Variants in COASY observed in about 807,000 individuals in gnomAD.
COASY encodes bifunctional coenzyme A synthase.
Under a neutral mutation model 49.4 loss-of-function variants are expected in COASY, and 31 were observed. The observed-to-expected ratio is 0.63, with a 90% CI of 0.47 to 0.85. COASY has a LOEUF of 0.85. COASY is among the 40% of genes least tolerant of loss of function. The pLI is 0.00. For missense variants in COASY, 730 were observed against 734.1 expected, an observed-to-expected ratio of 0.99 and a Z score of 0.06; for synonymous variants, 285 against 310.9, an observed-to-expected ratio of 0.92 and a Z score of 0.88.
In COASY at chr17:42,565,047, G is replaced by A; in HGVS notation, c.1302G>A (p.Lys434=). 6.2e-7 allele frequency: 1 copy of A among 1,614,146 alleles called. No individual in the cohort carries two copies. ...KVLGSRVFGN[K]KQLKILTDIM... Reference sequence around the variant, plus strand: ...TAGGCAGCCGGGTGTTTGGGAATAAGGTAAACAATAACTTCCTAAGGGCTC... The same window carrying A: ...TAGGCAGCCGGGTGTTTGGGAATAAAGTAAACAATAACTTCCTAAGGGCTC... The change falls in exon 5 of 9, where the codon AAG becomes AAA. Residue 434 remains lysine (K), a splice_region_variant and synonymous_variant. Transcript: ENST00000393818.
Position 42,566,182 on chromosome 17 carries a change from C to T in COASY, c.*214C>T, listed in dbSNP as rs1162219083. 4.2e-5 allele frequency: 25 copies of T among 592,910 alleles called. No homozygotes were observed. In the South Asian group the frequency reaches 4.9e-4, roughly 12 times the overall value. The allele number at this position is 592,910 out of a possible 1,614,324, so 36.7% of individuals were successfully genotyped here. On this transcript the variant is annotated 3_prime_UTR_variant, in exon 9 of 9. Transcript: ENST00000393818. The stretch of plus-strand genomic sequence containing the variant: ...GTGGTTCATGGGGGAGCAGTCCCCT[C>T]CCCACTCTTGCCCATGGGTGACTCT...
Position 42,563,246 on chromosome 17 carries a change from G to A in COASY, c.624G>A (p.Lys208=), listed in dbSNP as rs1327715071. The change falls in exon 1 of 9, where the codon AAG becomes AAA. Residue 208 remains lysine, a synonymous_variant. Transcript: ENST00000393818. Reference sequence around the variant, plus strand: ...TTGACCGCCTGCACAACGCCCACAAGGTGTTGCTCAGTGTCGCGTGCATCC... The same window carrying A: ...TTGACCGCCTGCACAACGCCCACAAAGTGTTGCTCAGTGTCGCGTGCATCC... ...GTFDRLHNAH[K]VLLSVACILA... 10 of 1,612,774 alleles carry A rather than the reference G, an allele frequency of 6.2e-6. No homozygotes were observed. The highest frequency in any genetic ancestry group is 8.5e-6 in the Non-Finnish European group (10 of 1,179,916).
intron 3 of COASY, 51 bp from the exon 4 acceptor site, chr17:42,564,658 C>T: frequency 6.5e-7 from 1 of 1,537,572 alleles, no homozygotes; most frequent in Non-Finnish European, 8.7e-7. Context: ...CAGCCCCAGG[C>T]ATGAGGCTGA....
In COASY at chr17:42,565,909, G is replaced by A; in HGVS notation, c.1636G>A (p.Glu546Lys). Residue 546 changes from glutamate (E) to lysine (K), a missense_variant, in exon 9 of 9, where the codon GAG (glutamate) becomes AAG (lysine). Transcript: ENST00000393818. ...WEPHITQRQVEKAWALLQKRI... is the reference protein window; with the variant it reads ...WEPHITQRQVKKAWALLQKRI... Reference sequence around the variant, plus strand: ...CAACATCCTGGCCTGTCTGAAGGTGGAGAAAGCCTGGGCCCTCTTGCAGAA... The same window carrying A: ...CAACATCCTGGCCTGTCTGAAGGTGAAGAAAGCCTGGGCCCTCTTGCAGAA... 6.2e-7 allele frequency: 1 copy of A among 1,613,986 alleles called. No individual in the cohort carries two copies. The highest frequency in any genetic ancestry group is 8.5e-7 in the Non-Finnish European group (1 of 1,180,038).
chr17:42,564,258 C>A, intron 2 of COASY, 83 bp downstream of exon 2: 1 of 1,474,752 alleles, frequency 6.8e-7, no homozygotes, highest in East Asian at 2.3e-5. Flanking sequence ...AGTACCATGG[C>A]CCCAGAGGAG....
In COASY at chr17:42,563,333, G is replaced by A. The variant is rs774007203; in HGVS notation, c.700+11G>A. Reference sequence around the variant, plus strand: ...AAGATCTGTTGAAGAGTGAGTAAGAGGGACCCTGGACTAGGGTGGAGGATC... The same window carrying A: ...AAGATCTGTTGAAGAGTGAGTAAGAAGGACCCTGGACTAGGGTGGAGGATC... On this transcript the variant is annotated intron_variant, in intron 1 of 8. Coordinates refer to ENST00000393818, the MANE Select transcript of COASY (RefSeq NM_025233.7). 7 of 1,572,066 alleles carry A rather than the reference G, an allele frequency of 4.5e-6. No individual in the cohort carries two copies. Among genetic ancestry groups the A allele is most frequent in the Middle Eastern group, 3.4e-4 (2 of 5,970 alleles).
chr17:42,563,389 C>A, intron 1 of COASY, 67 bp downstream of exon 1: 3 of 1,412,130 alleles, frequency 2.1e-6, no homozygotes, highest in South Asian at 1.3e-5. Flanking sequence ...ACCCTTATGC[C>A]GAGATCAAGG....
At chr17:42,565,387 C>T (rs371105317) in intron 6 of COASY, 76 bp downstream of exon 6, 29 of 1,605,482 alleles carry the variant, frequency 1.8e-5, no homozygotes, top group African/African-American at 2.7e-5. Flanking sequence ...CCCTGCCCAA[C>T]GTGGGACTGT....
At position 42,565,010 on chromosome 17, in the gene COASY, A is replaced by T. The variant is rs1396711488; in HGVS notation, c.1265A>T (p.Asn422Ile). 6.2e-7 allele frequency: 1 copy of T among 1,614,236 alleles called. No homozygotes were observed. The highest frequency in any genetic ancestry group is 2.2e-5 in the East Asian group (1 of 44,886). The change falls in exon 5 of 9, where the codon AAC becomes ATC. Residue 422 changes from asparagine (N) to isoleucine (I), a missense_variant. Transcript: ENST00000393818. ...TDILHKDGII[N>I]RKVLGSRVFG... ...ATTCTCCATAAAGATGGCATCATCAACAGGAAGGTCCTAGGCAGCCGGGTG... is the reference window on the plus strand; with the variant it reads ...ATTCTCCATAAAGATGGCATCATCATCAGGAAGGTCCTAGGCAGCCGGGTG...
In COASY at chr17:42,562,507, C is replaced by T. The variant is rs2301132; in HGVS notation, c.-116C>T. ...CTGTCGGTCAGCACTGAAACCCCGT[C>T]CCTGCTCCAGGCCTCCTTCTCTGGG... On this transcript the variant is annotated 5_prime_UTR_variant, in exon 1 of 9. Transcript: ENST00000393818. 3.8e-4 allele frequency: 619 copies of T among 1,613,404 alleles called. 9 individuals carry two copies. In the East Asian group the frequency reaches 0.013, roughly 33 times the overall value.
At position 42,562,920 on chromosome 17, in the gene COASY, C is replaced by T; in HGVS notation, c.298C>T (p.Leu100=). 6.2e-7 allele frequency: 1 copy of T among 1,612,164 alleles called. No homozygotes were observed. The change falls in exon 1 of 9, where the codon CTG becomes TTG. Residue 100 remains leucine, a synonymous_variant. Transcript: ENST00000393818. ...IRTKSTFLPP[L]PTSVQNLAHP... ...AACCAAGAGCACCTTTCTCCCTCCC[C>T]TGCCCACCTCAGTCCAGAATCTCGC...
Position 42,566,246 on chromosome 17 carries a change from C to G in COASY, c.*278C>G. On this transcript the variant is annotated 3_prime_UTR_variant, in exon 9 of 9. Transcript: ENST00000393818. The stretch of plus-strand genomic sequence containing the variant: ...CTAGGGCCAGCGCAAATACTGGAAC[C>G]TGTAACAGAATTAAAGGTGAATGTT... 1 of 503,136 alleles carries G rather than the reference C, an allele frequency of 2.0e-6. No individual in the cohort carries two copies. The highest frequency in any genetic ancestry group is 3.6e-6 in the Non-Finnish European group (1 of 277,432). The allele number at this position is 503,136 out of a possible 1,614,324, so 31.2% of individuals were successfully genotyped here. A position where few individuals can be genotyped will look rare whatever the true frequency, so the allele number is the denominator to read the frequency against.
At position 42,565,908 on chromosome 17, in the gene COASY, G is replaced by T. The variant is rs779623012; in HGVS notation, c.1635G>T (p.Val545=). 2 of 1,613,980 alleles carry T rather than the reference G, an allele frequency of 1.2e-6. No homozygotes were observed. The highest frequency in any genetic ancestry group is 1.7e-6 in the Non-Finnish European group (2 of 1,180,024). The change falls in exon 9 of 9, where the codon GTG becomes GTT. Residue 545 remains valine (V), a splice_region_variant and synonymous_variant. Transcript: ENST00000393818. Reference sequence around the variant, plus strand: ...CCAACATCCTGGCCTGTCTGAAGGTGGAGAAAGCCTGGGCCCTCTTGCAGA... The same window carrying T: ...CCAACATCCTGGCCTGTCTGAAGGTTGAGAAAGCCTGGGCCCTCTTGCAGA... The part of the protein sequence containing the change: ...LWEPHITQRQ[V]EKAWALLQKR...
rs2143224278 is a variant in COASY, at chr17:42,565,648, T to A, written c.1486-11T>A. On this transcript the variant is annotated splice_polypyrimidine_tract_variant and intron_variant, in intron 7 of 8. Transcript: ENST00000393818. ...GGAATTCTTCCTGACAAATGTCTCG[T>A]CTGTGCTCAGGCTGTAAGACGCATT... The A allele has an allele frequency of 6.2e-7, 1 of 1,614,094 alleles. No individual in the cohort carries two copies. Among genetic ancestry groups the A allele is most frequent in the Admixed American group, 1.7e-5 (1 of 60,026 alleles).
Position 42,562,501 on chromosome 17 carries a change from C to T in COASY, c.-122C>T. The T allele has an allele frequency of 1.9e-6, 3 of 1,613,576 alleles. No individual in the cohort carries two copies. Among genetic ancestry groups the T allele is most frequent in the Non-Finnish European group, 1.7e-6 (2 of 1,179,806 alleles). ...CGGCTCCTGTCGGTCAGCACTGAAACCCCGTCCCTGCTCCAGGCCTCCTTC... is the reference window on the plus strand; with the variant it reads ...CGGCTCCTGTCGGTCAGCACTGAAATCCCGTCCCTGCTCCAGGCCTCCTTC... On this transcript the variant is annotated 5_prime_UTR_variant, in exon 1 of 9. Transcript: ENST00000393818.
rs1273272109 is a variant in COASY, at chr17:42,563,236, A to G, written c.614A>G (p.Asn205Ser). The change falls in exon 1 of 9, where the codon AAC (asparagine) becomes AGC (serine). Residue 205 changes from asparagine (N) to serine (S), a missense_variant. Asn to Ser is a conservative substitution (Grantham distance 46, BLOSUM62 1). Coordinates refer to ENST00000393818, the MANE Select transcript of COASY (RefSeq NM_025233.7). Reference sequence around the variant, plus strand: ...GGTGGCACGTTTGACCGCCTGCACAACGCCCACAAGGTGTTGCTCAGTGTC... The same window carrying G: ...GGTGGCACGTTTGACCGCCTGCACAGCGCCCACAAGGTGTTGCTCAGTGTC... ...AVGGTFDRLH[N>S]AHKVLLSVAC... 3 of 1,613,240 alleles carry G rather than the reference A, an allele frequency of 1.9e-6. No homozygotes were observed.
At position 42,562,733 on chromosome 17, in the gene COASY, CTA is replaced by C; in HGVS notation, c.113_114del (p.Tyr38CysfsTer25). ...CGGCCCGGCTGGTGAATCACACACTCTATGTTCACCTGCAGCCGGGCATGAGC... is the reference window on the plus strand; with the variant it reads ...CGGCCCGGCTGGTGAATCACACACTCTGTTCACCTGCAGCCGGGCATGAGC... Reference protein sequence around the residue: ...SAARLVNHTLYVHLQPGMSLE... With the variant: ...SAARLVNHTLXVHLQPGMSLE... On this transcript the variant is annotated frameshift_variant, in exon 1 of 9. Coordinates refer to ENST00000393818, the MANE Select transcript of COASY (RefSeq NM_025233.7). LOFTEE classifies it high-confidence loss of function. The C allele has an allele frequency of 3.1e-6, 5 of 1,588,850 alleles. No individual in the cohort carries two copies. The highest frequency in any genetic ancestry group is 4.3e-6 in the Non-Finnish European group (5 of 1,165,058).
chr17:42,562,859 G>A lies in COASY; in HGVS notation c.237G>A (p.Arg79=). 6.2e-7 allele frequency: 1 copy of A among 1,613,362 alleles called. No homozygotes were observed. The highest frequency in any genetic ancestry group is 8.5e-7 in the Non-Finnish European group (1 of 1,179,584). Residue 79 remains arginine (R), a synonymous_variant, in exon 1 of 9, where the codon AGG becomes AGA. Coordinates refer to ENST00000393818, the MANE Select transcript of COASY (RefSeq NM_025233.7). ...THLYAGADVH[R]HLDVRILLTN... is the part of the protein sequence containing the mutation. ...TCTATGCTGGCGCCGACGTCCACAG[G>A]CACTTGGACGTCAGAATCCTACTGA...
chr17:42,562,580 C>T lies in COASY; in HGVS notation c.-43C>T, dbSNP rs892158923. The T allele has an allele frequency of 1.3e-6, 2 of 1,553,264 alleles. No homozygotes were observed. Among genetic ancestry groups the T allele is most frequent in the African/African-American group, 1.4e-5 (1 of 72,758 alleles). On this transcript the variant is annotated 5_prime_UTR_variant, in exon 1 of 9. Coordinates refer to ENST00000393818, the MANE Select transcript of COASY (RefSeq NM_025233.7). ...CTGCCTCGGCCGCAGGCCCTTCAGT[C>T]ACCGTCGCCTCGTCTCCCTGACTGT...
Sources: allele counts gnomAD v4.1 joint callset, GRCh38; gene constraint gnomAD v4.1.1; transcripts MANE v1.5; gene names NCBI Gene and HGNC (gene_info 2026-07-23, HGNC 2026-07-21).